NAA25: variants seen among roughly 807,000 people sequenced by gnomAD.
The protein encoded by NAA25 is N-terminal acetyltransferase B complex subunit NAA25.
Under a neutral mutation model 132.5 loss-of-function variants are expected in NAA25, and 30 were observed. The observed-to-expected ratio is 0.23, with a 90% CI of 0.17 to 0.31. The LOEUF (loss-of-function observed/expected upper bound fraction) is 0.31, where lower values mean the gene tolerates loss of function less well. Among genes scored for constraint, NAA25 ranks in the 10% least tolerant of loss-of-function variants. NAA25 has a pLI of 1.00. For synonymous variants in NAA25, 359 were observed against 401.9 expected (o/e 0.89, Z 1.28); for missense variants, 771 against 1,150.4 (o/e 0.67, Z 4.77).
intron 1 of NAA25, among the ~76,000 whole-genome samples, chr12:112,102,293 A>G (rs2079306397): frequency 6.6e-6 from 1 of 152,042 alleles, no homozygotes; most frequent in South Asian, 2.1e-4. Flanking sequence ...GGATCACTTG[A>G]GCTCAGGAGG....
intron 17 of NAA25, among the ~76,000 whole-genome samples, chr12:112,045,449 C>A (rs1308101022): frequency 7.0e-6 from 1 of 142,778 alleles, no homozygotes; most frequent in South Asian, 2.2e-4. Context: ...ATTGCGCCAC[C>A]GCACTCCAGC....
chr12:112,047,621 C>CA, intron 17 of NAA25, 44 bp downstream of exon 17: 2 of 1,598,016 alleles, frequency 1.3e-6, no homozygotes, highest in Non-Finnish European at 1.7e-6. Context: ...AAACAAAAAA[C>CA]AAACAAAAAC....
intron 4 of NAA25, among the ~76,000 whole-genome samples, chr12:112,086,163 T>C (rs2079053741): frequency 1.4e-5 from 2 of 143,858 alleles, no homozygotes; most frequent in South Asian, 4.5e-4. Flanking sequence ...GTAAATAAAT[T>C]AACAAAATGT....
Position 112,074,757 on chromosome 12 carries a change from C to A in NAA25, c.784G>T (p.Asp262Tyr). The change falls in exon 9 of 24, where the codon GAC (aspartate) becomes TAC (tyrosine). Residue 262 changes from aspartate (D) to tyrosine (Y), a missense_variant. Physicochemically the swap from Asp to Tyr is radical, Grantham distance 160. Coordinates refer to ENST00000261745, the MANE Select transcript of NAA25 (RefSeq NM_024953.4). The part of the protein sequence containing the change: ...SRRLLLKNSD[D>Y]WQFYLTYFDS... ...AAATAAGTCAGATAGAACTGCCAGT[C>A]ATCTGAGCTAAAATCAGATTGAATG... 1.9e-6 allele frequency: 3 copies of A among 1,609,306 alleles called. No homozygotes were observed. In the South Asian group the frequency reaches 3.3e-5, roughly 18 times the overall value.
chr12:112,044,706 G>C, intron 17 of NAA25, among the ~76,000 whole-genome samples: 1 of 150,976 alleles, frequency 6.6e-6, no homozygotes, highest in Non-Finnish European at 1.5e-5. Flanking sequence ...AAAAAAACAG[G>C]TCATTTTCCT....
At chr12:112,077,643 A>T (rs985008739) in intron 7 of NAA25, among the ~76,000 whole-genome samples, 2 of 151,986 alleles carry the variant, frequency 1.3e-5, no homozygotes, top group Non-Finnish European at 2.9e-5. Flanking sequence ...TAAATAATAA[A>T]AATAAAGTAT....
intron 22 of NAA25, 76 bp downstream of exon 22, chr12:112,039,152 TG>T: frequency 1.1e-6 from 1 of 880,228 alleles, no homozygotes; most frequent in Non-Finnish European, 1.7e-6. Context: ...GGACTCAACA[TG>T]GAGGAAAACA....
At chr12:112,103,924 C>T (rs145862038) in intron 1 of NAA25, among the ~76,000 whole-genome samples, 4 of 152,146 alleles carry the variant, frequency 2.6e-5, no homozygotes, top group South Asian at 4.1e-4. Flanking sequence ...TGACAGGAGG[C>T]GGGGCTCAGG....
chr12:112,043,984 G>A lies in NAA25; in HGVS notation c.2007-116C>T, dbSNP rs2078338151. ...GATCTGTCGCCCAGGCTGGAGTGCA[G>A]TGGCACTATCTCTGCTCACTGCAAG... On this transcript the variant is annotated intron_variant, in intron 17 of 23. Transcript: ENST00000261745. 3.9e-6 allele frequency: 4 copies of A among 1,036,576 alleles called. No individual in the cohort carries two copies. In the East Asian group the frequency reaches 7.6e-5, roughly 20 times the overall value. The allele number at this position is 1,036,576 out of a possible 1,614,324, so 64.2% of individuals were successfully genotyped here.
chr12:112,043,928 ATTTTTT>A, intron 17 of NAA25, 60 bp from the exon 18 acceptor site: 2 of 1,310,688 alleles, frequency 1.5e-6, no homozygotes, highest in Non-Finnish European at 2.1e-6. Context: ...ATTGCTTTCA[ATTTTTT>A]TTTTTTTTTT....
intron 9 of NAA25, among the ~76,000 whole-genome samples, chr12:112,073,472 T>C (rs547311249): frequency 9.2e-5 from 14 of 152,220 alleles, no homozygotes; most frequent in Non-Finnish European, 1.5e-4. Flanking sequence ...AGTCTTGCTC[T>C]GTCGCCCAGG....
At chr12:112,060,486 A>G (rs190048720) in intron 12 of NAA25, 127 bp from the exon 13 acceptor site, 10 of 624,766 alleles carry the variant, frequency 1.6e-5, no homozygotes, top group Non-Finnish European at 2.8e-5. Context: ...TAAGAATAAG[A>G]TAAGTACCAG....
Position 112,043,122 on chromosome 12 carries a change from G to C in NAA25, c.2340C>G (p.Val780=). The C allele has an allele frequency of 6.2e-7, 1 of 1,612,550 alleles. No homozygotes were observed. Among genetic ancestry groups the C allele is most frequent in the South Asian group, 1.1e-5 (1 of 90,890 alleles). ...SQCQISSFYL[V]NDIYELDTSG... is the part of the protein sequence containing the mutation. ...TGGTATCCAGCTCATAAATATCATT[G>C]ACAAGATAAAAAGAGCTTATCTGGC... Residue 780 remains valine, a synonymous_variant, in exon 19 of 24, where the codon GTC becomes GTG. Coordinates refer to ENST00000261745, the MANE Select transcript of NAA25 (RefSeq NM_024953.4).
intron 22 of NAA25, among the ~76,000 whole-genome samples, chr12:112,036,041 T>C (rs1331666444): frequency 1.3e-5 from 2 of 152,068 alleles, no homozygotes; most frequent in African/African-American, 4.8e-5. Flanking sequence ...AAGACCCCCA[T>C]TGATAGTAAC....
At chr12:112,095,948 A>G (rs1277101463) in intron 1 of NAA25, among the ~76,000 whole-genome samples, 1 of 152,198 alleles carries the variant, frequency 6.6e-6, no homozygotes, top group Non-Finnish European at 1.5e-5. Context: ...CACAACACAA[A>G]GAATGAAGCC....
intron 17 of NAA25, among the ~76,000 whole-genome samples, chr12:112,046,641 T>G (rs900318831): frequency 6.6e-6 from 1 of 152,252 alleles, no homozygotes; most frequent in Admixed American, 6.5e-5. Context: ...TTGATACATA[T>G]CACTACAACT....
chr12:112,035,763 A>G (rs1218013835), intron 22 of NAA25, among the ~76,000 whole-genome samples: 1 of 151,024 alleles, frequency 6.6e-6, no homozygotes, highest in African/African-American at 2.4e-5. Flanking sequence ...CGGCAGCCTC[A>G]ATTTCCCAGG....
rs2078097355 is a variant in NAA25 at position 112,027,207 on chromosome 12, C to T, written c.*2324G>A. The T allele has an allele frequency of 6.6e-6, 1 of 152,342 alleles. No homozygotes were observed. The highest frequency in any genetic ancestry group is 1.5e-5 in the Non-Finnish European group (1 of 67,960). The allele number at this position is 152,342 out of a possible 1,614,324, so 9.4% of individuals were successfully genotyped here. ...AACAAACAAAACAAAAAAACCCATA[C>T]AAATCAAAAACAGCAGCAGCAGCAA... On this transcript the variant is annotated 3_prime_UTR_variant, in exon 24 of 24. Transcript: ENST00000261745.
At chr12:112,063,487 T>C (rs2078667618) in intron 11 of NAA25, among the ~76,000 whole-genome samples, 2 of 152,140 alleles carry the variant, frequency 1.3e-5, no homozygotes, top group Admixed American at 6.6e-5. Context: ...GCTTATTCAG[T>C]GATAATTTCA....
Sources: gnomAD v4.1 joint callset for allele counts (sites outside exome capture counted in the v4.1 genomes callset) on GRCh38, gnomAD v4.1.1 for gene constraint, MANE v1.5 for transcripts, NCBI Gene and HGNC (gene_info 2026-07-23, HGNC 2026-07-21) for gene names.